Variants in KCNK10 observed in about 807,000 individuals in gnomAD.
KCNK10 encodes potassium two pore domain channel subfamily K member 10.
Under a neutral mutation model 47.7 loss-of-function variants are expected in KCNK10, and 25 were observed. The ratio of observed to expected loss-of-function variants is 0.52; its 90% CI spans 0.38 to 0.73. KCNK10 has a LOEUF of 0.73. KCNK10 is among the 30% of genes least tolerant of loss of function. The pLI, the probability that KCNK10 is intolerant of heterozygous loss-of-function variation, is 0.00. For synonymous variants in KCNK10, 303 were observed against 285.6 expected, an observed-to-expected ratio of 1.06 and a Z score of -0.61; for missense variants, 563 against 714.5, an observed-to-expected ratio of 0.79 and a Z score of 2.42.
At chr14:88,224,763 C>A (rs1402666170) in intron 4 of KCNK10, among the ~76,000 whole-genome samples, 1 of 152,170 alleles carries the variant, frequency 6.6e-6, no homozygotes, top group Non-Finnish European at 1.5e-5. Flanking sequence ...GCATGCACCA[C>A]CGTGCCCTGC....
At position 88,184,744 on chromosome 14, in the gene KCNK10, T is replaced by C. The variant is rs1206779832; in HGVS notation, c.*791A>G. 1 of 152,376 alleles carries C rather than the reference T, an allele frequency of 6.6e-6. No individual in the cohort carries two copies. Among genetic ancestry groups the C allele is most frequent in the East Asian group, 1.9e-4 (1 of 5,340 alleles). The allele number at this position is 152,376 out of a possible 1,614,324, so 9.4% of individuals were successfully genotyped here. A position where few individuals can be genotyped will look rare whatever the true frequency, so the allele number is the denominator to read the frequency against. On this transcript the variant is annotated 3_prime_UTR_variant, in exon 7 of 7. Transcript: ENST00000319231. Reference sequence around the variant, plus strand: ...CATTGCACCCACTGAGGAAAATGCATGATTGGCCTTTAACCACGCAGCAGT... The same window carrying C: ...CATTGCACCCACTGAGGAAAATGCACGATTGGCCTTTAACCACGCAGCAGT...
At chr14:88,193,140 G>A (rs407022) in intron 4 of KCNK10, among the ~76,000 whole-genome samples, 35,519 of 152,164 alleles carry the variant, frequency 0.23, 5,137 homozygotes, top group Admixed American at 0.34. Context: ...CAGGGTCCCC[G>A]TCTAAATGGG....
At chr14:88,314,796 C>T (rs950349792) in intron 1 of KCNK10, among the ~76,000 whole-genome samples, 5 of 152,212 alleles carry the variant, frequency 3.3e-5, no homozygotes, top group African/African-American at 9.7e-5. Flanking sequence ...CATGATGATC[C>T]GGCATTCTTC....
intron 1 of KCNK10, 47 bp from the exon 2 acceptor site, chr14:88,263,598 A>C: frequency 6.7e-7 from 1 of 1,495,206 alleles, no homozygotes. Context: ...TTTGTTTATA[A>C]ATAAATACAA....
intron 4 of KCNK10, among the ~76,000 whole-genome samples, chr14:88,220,200 G>A (rs1885753895): frequency 6.6e-6 from 1 of 151,582 alleles, no homozygotes; most frequent in South Asian, 2.1e-4. Context: ...GGCGGATCAC[G>A]AGGTCAGAAG....
chr14:88,326,478 C>A (rs1199962774), upstream of KCNK10: 14 of 1,608,052 alleles, frequency 8.7e-6, no homozygotes, highest in Non-Finnish European at 1.0e-5. Context: ...CCGCTCCAAG[C>A]GGTTCTGTCT....
rs770018781 is a variant in KCNK10 at position 88,263,512 on chromosome 14, C to T, written c.92G>A (p.Ser31Asn). Residue 31 changes from serine to asparagine, a missense_variant, in exon 2 of 7, where the codon AGC becomes AAC. Coordinates refer to ENST00000319231, the MANE Select transcript of KCNK10 (RefSeq NM_138317.3). ...AGCCGGGGGTTGCCCGTTAGTGGCG[C>T]TCTTGGGCTGGCACACCGGTGCTGC... Reference protein sequence around the residue: ...PAAAPVCQPKSATNGQPPAPA... With the variant: ...PAAAPVCQPKNATNGQPPAPA... 6.2e-7 allele frequency: 1 copy of T among 1,613,148 alleles called. No individual in the cohort carries two copies. Among genetic ancestry groups the T allele is most frequent in the Non-Finnish European group, 8.5e-7 (1 of 1,179,998 alleles).
chr14:88,321,405 G>T (rs1888544002), intron 1 of KCNK10, among the ~76,000 whole-genome samples: 1 of 152,176 alleles, frequency 6.6e-6, no homozygotes. Flanking sequence ...CCATGGAATT[G>T]ATTTAGGTCT....
intron 1 of KCNK10, among the ~76,000 whole-genome samples, chr14:88,315,753 C>A (rs1254918233): frequency 1.3e-5 from 2 of 152,094 alleles, no homozygotes; most frequent in Non-Finnish European, 2.9e-5. Context: ...TCTATTCAAG[C>A]AACTCTTTTT....
intron 1 of KCNK10, among the ~76,000 whole-genome samples, chr14:88,283,666 C>T (rs1887700115): frequency 6.6e-6 from 1 of 152,212 alleles, no homozygotes; most frequent in East Asian, 1.9e-4. Context: ...AATCCCAGTA[C>T]TTTGGGAGGC....
intron 1 of KCNK10, among the ~76,000 whole-genome samples, chr14:88,278,181 C>T (rs578119044): frequency 3.9e-4 from 60 of 152,192 alleles, no homozygotes; most frequent in Admixed American, 3.4e-3. Flanking sequence ...AGAAGGCACC[C>T]AAAATCTCAG....
chr14:88,203,820 G>A (rs1440650393), intron 4 of KCNK10, among the ~76,000 whole-genome samples: 1 of 152,174 alleles, frequency 6.6e-6, no homozygotes, highest in Non-Finnish European at 1.5e-5. Context: ...AGAAGGAGCT[G>A]ATGGAGTAAC....
rs756614699 is a variant in KCNK10 at position 88,227,483 on chromosome 14, T to A, written c.573A>T (p.Leu191Phe). The change falls in exon 4 of 7, where the codon TTA becomes TTT. Residue 191 changes from leucine to phenylalanine, a missense_variant. Leu to Phe is a conservative substitution (Grantham distance 22, BLOSUM62 0). Coordinates refer to ENST00000319231, the MANE Select transcript of KCNK10 (RefSeq NM_138317.3). ...AGAGTGGAATTCCAAAGATGGCATA[T>A]AAAATACAAAAGATTTTGCCTCCTT... is the stretch of plus-strand genomic sequence containing the variant. The part of the protein sequence containing the change: ...STEGGKIFCI[L>F]YAIFGIPLFG... 2 of 1,613,552 alleles carry A rather than the reference T, an allele frequency of 1.2e-6. No homozygotes were observed. The highest frequency in any genetic ancestry group is 1.7e-6 in the Non-Finnish European group (2 of 1,179,768).
intron 4 of KCNK10, among the ~76,000 whole-genome samples, chr14:88,224,162 T>G (rs1226765475): frequency 6.6e-6 from 1 of 152,208 alleles, no homozygotes; most frequent in African/African-American, 2.4e-5. Context: ...ATTAAACATT[T>G]TAAGTGGTGG....
intron 2 of KCNK10, among the ~76,000 whole-genome samples, chr14:88,256,781 G>T (rs1886970020): frequency 6.6e-6 from 1 of 152,198 alleles, no homozygotes; most frequent in Non-Finnish European, 1.5e-5. Flanking sequence ...GAGTTTTCTG[G>T]TTTCTTTTTT....
intron 3 of KCNK10, among the ~76,000 whole-genome samples, chr14:88,229,501 A>G (rs569123599): frequency 3.9e-5 from 6 of 152,136 alleles, no homozygotes; most frequent in African/African-American, 1.4e-4. Flanking sequence ...TATTATCACA[A>G]TTGGTTCCTT....
At chr14:88,280,617 C>A (rs1887629772) in intron 1 of KCNK10, among the ~76,000 whole-genome samples, 1 of 152,126 alleles carries the variant, frequency 6.6e-6, no homozygotes, top group Non-Finnish European at 1.5e-5. Context: ...GAAGTCTCAC[C>A]TCCCCGAATG....
chr14:88,256,949 A>G (rs571379572), intron 2 of KCNK10, among the ~76,000 whole-genome samples: 1 of 152,254 alleles, frequency 6.6e-6, no homozygotes, highest in East Asian at 1.9e-4. Flanking sequence ...GCAACATGAT[A>G]TTTGCCCAAT....
Position 88,184,713 on chromosome 14 carries a change from T to C in KCNK10, c.*822A>G, listed in dbSNP as rs1350880047. The C allele has an allele frequency of 1.3e-5, 2 of 152,356 alleles. No individual in the cohort carries two copies. Among genetic ancestry groups the C allele is most frequent in the Admixed American group, 6.5e-5 (1 of 15,278 alleles). The allele number at this position is 152,356 out of a possible 1,614,324, so 9.4% of individuals were successfully genotyped here. A position where few individuals can be genotyped will look rare whatever the true frequency, so the allele number is the denominator to read the frequency against. ...CATGGACATTTCCAAATCAGTTTAT[T>C]GTCACCATTGCACCCACTGAGGAAA... is the stretch of plus-strand genomic sequence containing the variant. On this transcript the variant is annotated 3_prime_UTR_variant, in exon 7 of 7. Coordinates refer to ENST00000319231, the MANE Select transcript of KCNK10 (RefSeq NM_138317.3).
Sources: allele counts gnomAD v4.1 joint callset (sites outside exome capture counted in the v4.1 genomes callset), GRCh38; gene constraint gnomAD v4.1.1; transcripts MANE v1.5; gene names NCBI Gene and HGNC (gene_info 2026-07-23, HGNC 2026-07-21).